The following NAALADL2 variants were observed in gnomAD, a reference collection of about 807,000 sequenced individuals.
NAALADL2 encodes the protein N-acetylated alpha-linked acidic dipeptidase like 2.
NAALADL2 carries 76 observed loss-of-function variants against 87.2 expected under a neutral mutation model. The ratio of observed to expected loss-of-function variants is 0.87; its 90% confidence interval spans 0.72 to 1.05. NAALADL2 has a LOEUF of 1.05. NAALADL2 is among the 50% of genes least tolerant of loss of function. The pLI is 0.00. For missense variants in NAALADL2, 1,089 were observed against 945.8 expected, an observed-to-expected ratio of 1.15 and a Z score of -1.99; for synonymous variants, 354 against 331.0, an observed-to-expected ratio of 1.07 and a Z score of -0.75.
At chr3:175,562,330 G>A (rs1211670563) in intron 9 of NAALADL2, among the ~76,000 whole-genome samples, 5 of 152,134 alleles carry the variant, frequency 3.3e-5, no homozygotes, top group Admixed American at 3.3e-4. Flanking sequence ...ACCACCTGGT[G>A]AACTGCAATA....
At chr3:175,461,102 C>T (rs902321351) in intron 6 of NAALADL2, among the ~76,000 whole-genome samples, 1 of 152,108 alleles carries the variant, frequency 6.6e-6, no homozygotes, top group Non-Finnish European at 1.5e-5. Flanking sequence ...CTGATTGGTG[C>T]ATTTTTACAG....
chr3:175,121,965 T>C (rs1276905712), intron 2 of NAALADL2, among the ~76,000 whole-genome samples: 1 of 151,896 alleles, frequency 6.6e-6, no homozygotes. Flanking sequence ...TTTCCCGTCC[T>C]GTCTTTACTG....
At chr3:175,734,180 C>A (rs966541262) in intron 11 of NAALADL2, among the ~76,000 whole-genome samples, 4 of 152,150 alleles carry the variant, frequency 2.6e-5, no homozygotes, top group African/African-American at 9.7e-5. Context: ...TTCTTTTTTG[C>A]AGAGGTTCTC....
chr3:174,759,420 G>T (rs934279575), intron 3 of NAALADL2, among the ~76,000 whole-genome samples: 1 of 152,072 alleles, frequency 6.6e-6, no homozygotes, highest in Non-Finnish European at 1.5e-5. Context: ...ATTTGAACAT[G>T]GTGCATTGCC....
intron 1 of NAALADL2, among the ~76,000 whole-genome samples, chr3:174,550,148 G>C (rs34842977): frequency 0.072 from 10,959 of 151,940 alleles, 576 homozygotes; most frequent in African/African-American, 0.15. Context: ...TTAATTTTTA[G>C]TAGTGCCTTT....
chr3:175,224,754 T>C (rs1360658621), intron 2 of NAALADL2, among the ~76,000 whole-genome samples: 1 of 152,224 alleles, frequency 6.6e-6, no homozygotes, highest in African/African-American at 2.4e-5. Context: ...TCTTCATGTA[T>C]ACAATAGAGA....
At chr3:175,275,094 T>C (rs1396066103) in intron 4 of NAALADL2, among the ~76,000 whole-genome samples, 1 of 152,126 alleles carries the variant, frequency 6.6e-6, no homozygotes, top group Non-Finnish European at 1.5e-5. Context: ...TGAATTTTGG[T>C]GGTAGTAAAG....
At chr3:175,586,324 G>T (rs1720535989) in intron 10 of NAALADL2, among the ~76,000 whole-genome samples, 1 of 152,044 alleles carries the variant, frequency 6.6e-6, no homozygotes, top group South Asian at 2.1e-4. Flanking sequence ...AAAATAGATT[G>T]AGGTCAACGC....
chr3:175,585,278 A>G (rs1156548262), intron 10 of NAALADL2, among the ~76,000 whole-genome samples: 1 of 152,034 alleles, frequency 6.6e-6, no homozygotes, highest in Non-Finnish European at 1.5e-5. Context: ...GTATCATTGT[A>G]CTCTTATGGG....
chr3:175,002,184 A>G (rs1387626430), intron 1 of NAALADL2, among the ~76,000 whole-genome samples: 1 of 152,162 alleles, frequency 6.6e-6, no homozygotes, highest in African/African-American at 2.4e-5. Context: ...CTCTATGTGT[A>G]AAGATATTGT....
chr3:175,454,687 T>C (rs1456514854), intron 6 of NAALADL2, among the ~76,000 whole-genome samples: 3 of 152,128 alleles, frequency 2.0e-5, no homozygotes, highest in African/African-American at 7.2e-5. Context: ...TTGCTAATTC[T>C]TAGATGCTGT....
chr3:174,860,498 C>T (rs1726359089), intron 1 of NAALADL2, among the ~76,000 whole-genome samples: 1 of 151,998 alleles, frequency 6.6e-6, no homozygotes, highest in Admixed American at 6.6e-5. Flanking sequence ...GTCTTATGGA[C>T]AAATGGTATT....
At chr3:174,648,792 T>C (rs1724061679) in intron 2 of NAALADL2, among the ~76,000 whole-genome samples, 1 of 152,176 alleles carries the variant, frequency 6.6e-6, no homozygotes, top group African/African-American at 2.4e-5. Flanking sequence ...ATTAAATGAA[T>C]AATAAAGCTT....
intron 2 of NAALADL2, among the ~76,000 whole-genome samples, chr3:174,616,032 AC>A (rs1290590244): frequency 6.6e-6 from 1 of 152,020 alleles, no homozygotes; most frequent in Non-Finnish European, 1.5e-5. Context: ...TTGTTTAGCA[AC>A]ATAAATTCCC....
Position 174,949,350 on chromosome 3 carries a change from A to G in NAALADL2, c.43+89900A>G, listed in dbSNP as rs560358423. Among the ~76,000 whole-genome samples the G allele has an allele frequency of 1.1e-4, 17 of 152,172 alleles. No homozygotes were observed. The South Asian group carries it at 2.5e-3, about 22-fold the overall frequency. ...ACGACCTAGCCTCGAAAGTCACATA[A>G]TATCACTTCTGCCATGGTTGCAAGC... On this transcript the variant is annotated intron_variant, in intron 1 of 13. Coordinates refer to ENST00000454872, the MANE Select transcript of NAALADL2 (RefSeq NM_207015.3).
chr3:175,685,539 G>A (rs1474509608), intron 11 of NAALADL2, among the ~76,000 whole-genome samples: 2 of 151,826 alleles, frequency 1.3e-5, no homozygotes, highest in Admixed American at 6.6e-5. Flanking sequence ...GAAAAAGAGA[G>A]AGAGATTTAT....
rs866165343 is a variant in NAALADL2 at position 175,111,352 on chromosome 3, A to T, written c.545+14061A>T. ...TTTCCAGAATCTGTACTTAAGCTGT[A>T]CACTCAGTGTTTAATAGAGGTTACA... On this transcript the variant is annotated intron_variant, in intron 2 of 13. Coordinates refer to ENST00000454872, the MANE Select transcript of NAALADL2 (RefSeq NM_207015.3). 4.0e-5 allele frequency among the ~76,000 whole-genome samples: 6 copies of T among 151,822 alleles called. No homozygotes were observed. The South Asian group carries it at 1.2e-3, about 31-fold the overall frequency.
intron 5 of NAALADL2, among the ~76,000 whole-genome samples, chr3:175,437,515 G>C (rs973816964): frequency 7.3e-6 from 1 of 136,686 alleles, no homozygotes; most frequent in Non-Finnish European, 1.6e-5. Flanking sequence ...CGTGAAAATG[G>C]CCATACTGCC....
chr3:175,503,647 C>T (rs901995533), intron 9 of NAALADL2, among the ~76,000 whole-genome samples: 4 of 152,086 alleles, frequency 2.6e-5, no homozygotes, highest in Non-Finnish European at 5.9e-5. Flanking sequence ...GATGGTATCT[C>T]ATTGTGGTTT....
Sources: gnomAD v4.1 joint callset for allele counts (sites outside exome capture counted in the v4.1 genomes callset) on GRCh38, gnomAD v4.1.1 for gene constraint, MANE v1.5 for transcripts, NCBI Gene and HGNC (gene_info 2026-07-23, HGNC 2026-07-21) for gene names.